Variants in TRPV6 observed in about 807,000 individuals in gnomAD.
TRPV6 encodes transient receptor potential cation channel subfamily V member 6.
TRPV6 carries 39 observed loss-of-function variants against 79.0 expected under a neutral mutation model. The ratio of observed to expected loss-of-function variants is 0.49; its 90% CI spans 0.38 to 0.64. The LOEUF (loss-of-function observed/expected upper bound fraction) is 0.64, where lower values mean the gene tolerates loss of function less well. Ranked by LOEUF, TRPV6 falls within the 30% of genes least tolerant of loss-of-function variation. TRPV6 has a pLI of 0.00. For missense variants in TRPV6, 813 were observed against 1,011.1 expected, an observed-to-expected ratio of 0.80 and a Z score of 2.66; for synonymous variants, 373 against 391.9, an observed-to-expected ratio of 0.95 and a Z score of 0.57.
chr7:142,871,871 G>A lies in TRPV6; in HGVS notation c.2134C>T (p.Pro712Ser). Residue 712 changes from proline to serine, a missense_variant, in exon 15 of 15, where the codon CCC becomes TCC. Pro to Ser is a moderately conservative substitution (Grantham distance 74, BLOSUM62 -1). Coordinates refer to ENST00000359396, the MANE Select transcript of TRPV6 (RefSeq NM_018646.6). ...GGAAGGGACAGGTGGGGGCTGAAGG[G>A]ACAGCCCAGCTCTAGTTTTTCCACT... 6.2e-7 allele frequency: 1 copy of A among 1,614,192 alleles called. No individual in the cohort carries two copies. Among genetic ancestry groups the A allele is most frequent in the Non-Finnish European group, 8.5e-7 (1 of 1,180,028 alleles).
rs749680751 is a variant in TRPV6, at chr7:142,877,247, G to T, written c.502C>A (p.Gln168Lys). ...AGGGCTCGCACCAGGTTCATGTTCTGGTTCACAACAGCGATGTGCAGTGCA... is the reference window on the plus strand; with the variant it reads ...AGGGCTCGCACCAGGTTCATGTTCTTGTTCACAACAGCGATGTGCAGTGCA... Residue 168 changes from glutamine to lysine, a missense_variant, in exon 4 of 15, where the codon CAG becomes AAG. Physicochemically the swap from Gln to Lys is moderately conservative, Grantham distance 53. Transcript: ENST00000359396. The T allele has an allele frequency of 1.2e-6, 2 of 1,614,234 alleles. No homozygotes were observed. Among genetic ancestry groups the T allele is most frequent in the South Asian group, 2.2e-5 (2 of 91,084 alleles).
At position 142,874,030 on chromosome 7, in the gene TRPV6, C is replaced by T. The variant is rs1185065572; in HGVS notation, c.1639+46G>A. 3.1e-6 allele frequency: 5 copies of T among 1,598,838 alleles called. No homozygotes were observed. The East Asian group carries it at 6.7e-5, about 22-fold the overall frequency. On this transcript the variant is annotated intron_variant, in intron 12 of 14. Transcript: ENST00000359396. ...CCAGAGCCAGTGCCCCCTAGACTTC[C>T]TCATCTCTTCCCTGCCATGGCCCCT...
Position 142,873,808 on chromosome 7 carries a change from T to TCATCTCAATATCACCAGCTCTG in TRPV6, c.1640-114_1640-93dup. The TCATCTCAATATCACCAGCTCTG allele has an allele frequency of 6.5e-7, 1 of 1,538,302 alleles. No individual in the cohort carries two copies. Among genetic ancestry groups the TCATCTCAATATCACCAGCTCTG allele is most frequent in the Non-Finnish European group, 8.9e-7 (1 of 1,123,160 alleles). On this transcript the variant is annotated intron_variant, in intron 12 of 14. Coordinates refer to ENST00000359396, the MANE Select transcript of TRPV6 (RefSeq NM_018646.6). This position sits in a 1 kb window ranked among gnomAD's most constrained non-coding sequence, Gnocchi z 4.8. ...TGCGTGCATGTCCATCCTGGTCCCT[T>TCATCTCAATATCACCAGCTCTG]CATCTCAATATCACCAGCTCTGCAG...
In TRPV6 at chr7:142,877,835, A is replaced by T. The variant is rs1795110578; in HGVS notation, c.347-62T>A. On this transcript the variant is annotated intron_variant, in intron 2 of 14. Coordinates refer to ENST00000359396, the MANE Select transcript of TRPV6 (RefSeq NM_018646.6). ...TGGGACAGCGGATTGGAGACGATAG[A>T]TTCAGAGGCCAACAGCACGAGGTCC... 1.9e-6 allele frequency: 3 copies of T among 1,613,082 alleles called. No homozygotes were observed. The African/African-American group carries it at 4.0e-5, about 22-fold the overall frequency.
chr7:142,876,640 T>C, intron 5 of TRPV6, 57 bp from the exon 6 acceptor site: 2 of 1,612,330 alleles, frequency 1.2e-6, no homozygotes, highest in Non-Finnish European at 1.7e-6. Context: ...GATGTCCCCA[T>C]CCCCACCCTG....
chr7:142,885,738 A>G lies in TRPV6; in HGVS notation c.-102T>C, dbSNP rs1158343713. ...TTTGTTACACTTGGCAGAGCCAGCC[A>G]GGACTCTGCAGGGCTGGCCTGTCTG... On this transcript the variant is annotated 5_prime_UTR_variant, in exon 1 of 15. Transcript: ENST00000359396. The G allele has an allele frequency of 1.8e-6, 1 of 541,434 alleles. No homozygotes were observed. The highest frequency in any genetic ancestry group is 3.1e-6 in the Non-Finnish European group (1 of 320,254). The allele number at this position is 541,434 out of a possible 1,614,324, so 33.5% of individuals were successfully genotyped here.
chr7:142,877,710 A>G lies in TRPV6; in HGVS notation c.410T>C (p.Val137Ala). Residue 137 changes from valine to alanine, a missense_variant, in exon 3 of 15, where the codon GTG becomes GCG. Physicochemically the swap from Val to Ala is moderately conservative, Grantham distance 64 (BLOSUM62 0). Transcript: ENST00000359396. Reference sequence around the variant, plus strand: ...CAGCTCCGGGGCAGCCTCCATCAGCACCATGGCGGCCTCCAGGTTGTCATA... The same window carrying G: ...CAGCTCCGGGGCAGCCTCCATCAGCGCCATGGCGGCCTCCAGGTTGTCATA... 6.2e-7 allele frequency: 1 copy of G among 1,614,184 alleles called. No homozygotes were observed. The highest frequency in any genetic ancestry group is 8.5e-7 in the Non-Finnish European group (1 of 1,180,028).
At chr7:142,872,681 G>A (rs1040313498) in intron 13 of TRPV6, among the ~76,000 whole-genome samples, 1 of 152,202 alleles carries the variant, frequency 6.6e-6, no homozygotes, top group African/African-American at 2.4e-5. Flanking sequence ...CCCATTCCCA[G>A]GAGCACAGGC....
chr7:142,872,333 AG>A (rs767905610), intron 14 of TRPV6, 38 bp downstream of exon 14: 3 of 1,604,200 alleles, frequency 1.9e-6, no homozygotes, highest in East Asian at 4.5e-5. Flanking sequence ...CCTGCCGATG[AG>A]GCTTCTCAGG....
At chr7:142,875,995 C>G (rs1238267819) in intron 6 of TRPV6, 91 bp from the exon 7 acceptor site, 1 of 1,401,044 alleles carries the variant, frequency 7.1e-7, no homozygotes, top group Non-Finnish European at 9.6e-7. Flanking sequence ...GACGGCACCC[C>G]TGGAGAAGGT....
At chr7:142,872,530 AGGTAGG>A in intron 13 of TRPV6, 52 bp from the exon 14 acceptor site, 1 of 1,551,694 alleles carries the variant, frequency 6.4e-7, no homozygotes, top group East Asian at 2.4e-5. Context: ...GCGCAGACAG[AGGTAGG>A]GGTAGGGCAG....
intron 1 of TRPV6, chr7:142,881,156 A>T (rs1310395100): frequency 6.6e-6 from 1 of 151,838 alleles, no homozygotes; most frequent in Non-Finnish European, 1.5e-5. Flanking sequence ...AAAACACCTG[A>T]CTCTCCTTGG....
chr7:142,874,974 C>G lies in TRPV6; in HGVS notation c.1336G>C (p.Asp446His), dbSNP rs370782688. 4 of 1,613,992 alleles carry G rather than the reference C, an allele frequency of 2.5e-6. No individual in the cohort carries two copies. In the African/African-American group the frequency reaches 5.3e-5, roughly 22 times the overall value. The stretch of plus-strand genomic sequence containing the variant: ...CGAGTGACCCCCATTCTGAAGATGT[C>G]TGGAACCTGAAGAGGTCAGGGAGAC... Residue 446 changes from aspartate (D) to histidine (H), a missense_variant, in exon 10 of 15, where the codon GAC (aspartate) becomes CAC (histidine). Around this residue, in one of 3 missense-constraint regions of TRPV6, gnomAD observed 555 missense variants for 631.0 expected, o/e 0.88. Coordinates refer to ENST00000359396, the MANE Select transcript of TRPV6 (RefSeq NM_018646.6).
Position 142,873,980 on chromosome 7 carries a change from C to T in TRPV6, c.1639+96G>A. The T allele has an allele frequency of 7.2e-7, 1 of 1,384,778 alleles. No individual in the cohort carries two copies. Among genetic ancestry groups the T allele is most frequent in the Non-Finnish European group, 1.0e-6 (1 of 991,214 alleles). 85.8% of individuals were successfully genotyped at this position (1,384,778 alleles called of 1,614,324 possible). On this transcript the variant is annotated intron_variant, in intron 12 of 14. Coordinates refer to ENST00000359396, the MANE Select transcript of TRPV6 (RefSeq NM_018646.6). The surrounding 1 kb of genome is among the most constrained non-coding windows in gnomAD (Gnocchi z 4.8). ...TACCATAGGTCTCCTCTGATCTCTG[C>T]ATTACTCCTCCTCCCCAAGTTTAGC...
At chr7:142,874,345 A>C in intron 11 of TRPV6, 146 bp downstream of exon 11, 1 of 1,268,232 alleles carries the variant, frequency 7.9e-7, no homozygotes, top group South Asian at 1.4e-5. Context: ...ATTTTTTAAA[A>C]GGATTGTTAA....
Position 142,873,768 on chromosome 7 carries a change from G to C in TRPV6, c.1640-52C>G. ...ACCATGGCAACCATGCAGACGACCA[G>C]CCCACCCCGGGCTCTGCGTGCATGT... On this transcript the variant is annotated intron_variant, in intron 12 of 14. Coordinates refer to ENST00000359396, the MANE Select transcript of TRPV6 (RefSeq NM_018646.6). The surrounding 1 kb of genome is among the most constrained non-coding windows in gnomAD (Gnocchi z 4.8). 1 of 1,605,062 alleles carries C rather than the reference G, an allele frequency of 6.2e-7. No individual in the cohort carries two copies.
In TRPV6 at chr7:142,876,403, C is replaced by G. The variant is rs764886016; in HGVS notation, c.882+5G>C. ...GACACCTCAGGGATGGGGACCGTCTCTCACCACAGTGTTACCCTCCACTCC... is the reference window on the plus strand; with the variant it reads ...GACACCTCAGGGATGGGGACCGTCTGTCACCACAGTGTTACCCTCCACTCC... On this transcript the variant is annotated splice_donor_5th_base_variant and intron_variant, in intron 6 of 14. Coordinates refer to ENST00000359396, the MANE Select transcript of TRPV6 (RefSeq NM_018646.6). 2.5e-6 allele frequency: 4 copies of G among 1,612,644 alleles called. No individual in the cohort carries two copies. The highest frequency in any genetic ancestry group is 1.1e-5 in the South Asian group (1 of 90,754).
At chr7:142,872,313 A>C in intron 14 of TRPV6, 59 bp downstream of exon 14, 1 of 1,567,820 alleles carries the variant, frequency 6.4e-7, no homozygotes, top group Non-Finnish European at 8.8e-7. Flanking sequence ...CTGTCTGAGC[A>C]GGGGGATACC....
rs762290342 is a variant in TRPV6 at position 142,875,770 on chromosome 7, G to C, written c.1017C>G (p.Thr339=). 5.6e-6 allele frequency: 9 copies of C among 1,604,826 alleles called. No individual in the cohort carries two copies. Among genetic ancestry groups the C allele is most frequent in the Non-Finnish European group, 7.7e-6 (9 of 1,174,992 alleles). ...TCATGAGCCATACCTCCCGCTTCTT[G>C]GTGGTGATGATAAGTTCCAGCAGGG... Residue 339 remains threonine, a synonymous_variant, in exon 7 of 15, where the codon ACC becomes ACG. Transcript: ENST00000359396.
Sources: gnomAD v4.1 joint callset for allele counts (sites outside exome capture counted in the v4.1 genomes callset) on GRCh38, gnomAD v4.1.1 for gene constraint, gnomAD v4.1.1 regional missense constraint, Gnocchi (gnomAD v3.1) non-coding constraint, MANE v1.5 for transcripts, NCBI Gene and HGNC (gene_info 2026-07-23, HGNC 2026-07-21) for gene names.